The following FLT1 variants were observed in gnomAD, a reference collection of about 807,000 sequenced individuals.
FLT1 encodes the protein fms related receptor tyrosine kinase 1.
In FLT1, 49 loss-of-function variants were observed where a neutral mutation model predicts 156.3. That is an observed-to-expected ratio of 0.31 (90% CI 0.25 to 0.40). FLT1 has a LOEUF of 0.40. FLT1 is among the 10% of genes least tolerant of loss of function. The pLI, the probability that FLT1 is intolerant of heterozygous loss-of-function variation, is 1.00. For synonymous variants in FLT1, 594 were observed against 583.8 expected (o/e 1.02, Z -0.25); for missense variants, 1,322 against 1,637.2 (o/e 0.81, Z 3.32).
chr13:28,473,802 GAA>G (rs1880369603), intron 1 of FLT1, among the ~76,000 whole-genome samples: 1 of 128,622 alleles, frequency 7.8e-6, no homozygotes, highest in African/African-American at 3.2e-5. Context: ...AAGAAAGAAA[GAA>G]AGAAAGAAAG....
At chr13:28,384,314 G>A (rs1874220816) in intron 14 of FLT1, among the ~76,000 whole-genome samples, 1 of 151,918 alleles carries the variant, frequency 6.6e-6, no homozygotes, top group Admixed American at 6.6e-5. Context: ...GCACATGCCT[G>A]TAGTCCCAAC....
At chr13:28,307,663 T>TG (rs1363211937) in intron 28 of FLT1, among the ~76,000 whole-genome samples, 1 of 151,758 alleles carries the variant, frequency 6.6e-6, no homozygotes, top group Non-Finnish European at 1.5e-5. Context: ...TTTGATTTTT[T>TG]TTTTTTTAAG....
intron 14 of FLT1, 152 bp downstream of exon 14, chr13:28,384,733 A>G: frequency 1.3e-6 from 1 of 748,310 alleles, no homozygotes; most frequent in East Asian, 2.7e-5. Context: ...TCCTCACTGG[A>G]CATTGCTATC....
At chr13:28,461,089 C>A (rs1009855247) in intron 3 of FLT1, among the ~76,000 whole-genome samples, 1 of 151,868 alleles carries the variant, frequency 6.6e-6, no homozygotes, top group Non-Finnish European at 1.5e-5. Context: ...CCTCTTGTCC[C>A]AGCCTCCTAA....
Position 28,311,698 on chromosome 13 carries a change from A to T in FLT1, c.3527T>A (p.Leu1176Gln). 6.2e-7 allele frequency: 1 copy of T among 1,614,058 alleles called. No individual in the cohort carries two copies. Among genetic ancestry groups the T allele is most frequent in the South Asian group, 1.1e-5 (1 of 91,084 alleles). ...GKDYIPINAI[L>Q]TGNSGFTYST... ...GTATGTAAACCCACTATTTCCTGTC[A>T]GTATGGCATTGATTGGGATGTAGTC... is the stretch of plus-strand genomic sequence containing the variant. The change falls in exon 27 of 30, where the codon CTG becomes CAG. Residue 1176 changes from leucine to glutamine, a missense_variant. Leu to Gln is a moderately radical substitution (Grantham distance 113). Transcript: ENST00000282397.
chr13:28,335,389 C>G (rs1872079887), intron 17 of FLT1, among the ~76,000 whole-genome samples: 6 of 152,084 alleles, frequency 3.9e-5, no homozygotes, highest in Admixed American at 3.9e-4. Flanking sequence ...GTTAATGAAC[C>G]TTCTTTCCTC....
chr13:28,327,469 A>G lies in FLT1; in HGVS notation c.2789T>C (p.Leu930Pro). 2 of 1,603,504 alleles carry G rather than the reference A, an allele frequency of 1.2e-6. No individual in the cohort carries two copies. The highest frequency in any genetic ancestry group is 1.7e-6 in the Non-Finnish European group (2 of 1,170,306). Residue 930 changes from leucine (L) to proline (P), a missense_variant, in exon 20 of 30, where the codon CTC becomes CCC. Around this residue, in one of 3 missense-constraint regions of FLT1, gnomAD observed 991 missense variants for 1,254.8 expected, o/e 0.79. Transcript: ENST00000282397. Reference sequence around the variant, plus strand: ...AACTTTTGAAATCCTTACCTTGTTGAGAAAAAATAAGTCACGTTTGCTCTT... The same window carrying G: ...AACTTTTGAAATCCTTACCTTGTTGGGAAAAAATAAGTCACGTTTGCTCTT... Reference protein sequence around the residue: ...YLKSKRDLFFLNKDAALHMEP... With the variant: ...YLKSKRDLFFPNKDAALHMEP...
Position 28,467,629 on chromosome 13 carries a change from A to G in FLT1, c.65-12T>C. 2 of 1,432,642 alleles carry G rather than the reference A, an allele frequency of 1.4e-6. No individual in the cohort carries two copies. The highest frequency in any genetic ancestry group is 1.9e-6 in the Non-Finnish European group (2 of 1,028,210). The allele number at this position is 1,432,642 out of a possible 1,614,324, so 88.7% of individuals were successfully genotyped here. On this transcript the variant is annotated splice_polypyrimidine_tract_variant and intron_variant, in intron 1 of 29. Transcript: ENST00000282397. ...ACCTGAACTAGATCCTGAAAAACAA[A>G]TTTTTAAAATGTATTATTTGTAAAT...
At position 28,306,337 on chromosome 13, in the gene FLT1, C is replaced by T. The variant is rs75905628; in HGVS notation, c.3815+341G>A. ...ACCCTGCCGGCATAGGGAGTGACAG[C>T]GGGGGCATCCTCTCCCACCGCCGGG... On this transcript the variant is annotated intron_variant, in intron 29 of 29. Transcript: ENST00000282397. Among the ~76,000 whole-genome samples, 618 of 152,218 alleles carry T rather than the reference C, an allele frequency of 4.1e-3. 2 individuals are homozygous for T. Among genetic ancestry groups the T allele is most frequent in the African/African-American group, 0.014 (592 of 41,534 alleles).
At chr13:28,384,243 G>A (rs1445720134) in intron 14 of FLT1, among the ~76,000 whole-genome samples, 2 of 152,080 alleles carry the variant, frequency 1.3e-5, no homozygotes, top group Non-Finnish European at 2.9e-5. Context: ...AGACCAGCCT[G>A]GCCAACATGG....
intron 12 of FLT1, among the ~76,000 whole-genome samples, chr13:28,394,689 C>T (rs1217702707): frequency 6.6e-6 from 1 of 152,182 alleles, no homozygotes; most frequent in Non-Finnish European, 1.5e-5. Flanking sequence ...AGAAGGATCC[C>T]TGTCGCAGCT....
chr13:28,302,820 G>A lies in FLT1; in HGVS notation c.*347C>T, dbSNP rs3812867. ...CTGCAGGGCTGGCCCAGTGGGGTAC[G>A]TGATGCATTGGGTGATCAGTGCAGC... On this transcript the variant is annotated 3_prime_UTR_variant, in exon 30 of 30. Coordinates refer to ENST00000282397, the MANE Select transcript of FLT1 (RefSeq NM_002019.4). 1,834 of 329,494 alleles carry A rather than the reference G, an allele frequency of 5.6e-3. 82 individuals carry two copies. The East Asian group carries it at 0.082, about 15-fold the overall frequency. 20.4% of individuals were successfully genotyped at this position (329,494 alleles called of 1,614,324 possible). A position where few individuals can be genotyped will look rare whatever the true frequency, so the allele number is the denominator to read the frequency against.
intron 14 of FLT1, among the ~76,000 whole-genome samples, chr13:28,365,379 G>A (rs771366672): frequency 9.3e-5 from 14 of 151,130 alleles, no homozygotes; most frequent in Non-Finnish European, 1.9e-4. Flanking sequence ...TTGAGGCGGA[G>A]TCTTGCTCTG....
At position 28,320,713 on chromosome 13, in the gene FLT1, T is replaced by TG. The variant is rs202230343; in HGVS notation, c.3174+749dup. 3.4e-3 allele frequency among the ~76,000 whole-genome samples: 520 copies of TG among 152,222 alleles called. 7 individuals are homozygous for TG. The highest frequency in any genetic ancestry group is 0.025 in the Admixed American group (379 of 15,282). The stretch of plus-strand genomic sequence containing the variant: ...TTCTCAGGCTCCACCCAAGAGTTAC[T>TG]GACTCAGAAACTCTGGGGGGTGGAA... On this transcript the variant is annotated intron_variant, in intron 23 of 29. Coordinates refer to ENST00000282397, the MANE Select transcript of FLT1 (RefSeq NM_002019.4).
Position 28,434,229 on chromosome 13 carries a change from G to A in FLT1, c.514-9C>T, listed in dbSNP as rs1474848092. Reference sequence around the variant, plus strand: ...AAAGTGTCAAGTGGAAACTGAAAAGGAAGAGGCATGCATTAACAAGGTCCT... The same window carrying A: ...AAAGTGTCAAGTGGAAACTGAAAAGAAAGAGGCATGCATTAACAAGGTCCT... On this transcript the variant is annotated splice_polypyrimidine_tract_variant and intron_variant, in intron 4 of 29. Coordinates refer to ENST00000282397, the MANE Select transcript of FLT1 (RefSeq NM_002019.4). 2 of 1,613,578 alleles carry A rather than the reference G, an allele frequency of 1.2e-6. No homozygotes were observed. The highest frequency in any genetic ancestry group is 2.2e-5 in the South Asian group (2 of 91,076).
chr13:28,473,961 G>A (rs1880398149), intron 1 of FLT1, among the ~76,000 whole-genome samples: 2 of 152,078 alleles, frequency 1.3e-5, no homozygotes, highest in Admixed American at 1.3e-4. Flanking sequence ...GATATGTGCT[G>A]CCACATAGAT....
At chr13:28,319,367 G>C (rs1156717141) in intron 24 of FLT1, 56 bp downstream of exon 24, 1 of 1,143,700 alleles carries the variant, frequency 8.7e-7, no homozygotes, top group Admixed American at 1.8e-5. Flanking sequence ...ACATTCAGCA[G>C]AAGATGCAGA....
At chr13:28,355,313 T>A (rs1872860620) in intron 15 of FLT1, among the ~76,000 whole-genome samples, 1 of 152,212 alleles carries the variant, frequency 6.6e-6, no homozygotes, top group African/African-American at 2.4e-5. Flanking sequence ...GTTAATAGGA[T>A]TAAGTATGTC....
intron 10 of FLT1, among the ~76,000 whole-genome samples, chr13:28,416,863 T>C (rs1876679047): frequency 3.3e-5 from 5 of 152,204 alleles, no homozygotes; most frequent in Admixed American, 2.6e-4. Flanking sequence ...TCATCTTATA[T>C]AATTTTCAAT....
Sources: gnomAD v4.1 joint callset for allele counts (sites outside exome capture counted in the v4.1 genomes callset) on GRCh38, gnomAD v4.1.1 for gene constraint, gnomAD v4.1.1 regional missense constraint, MANE v1.5 for transcripts, NCBI Gene and HGNC (gene_info 2026-07-23, HGNC 2026-07-21) for gene names.